Variants in AK5 observed in about 807,000 individuals in gnomAD.
AK5 encodes the protein adenylate kinase isoenzyme 5.
A neutral mutation model predicts 69.5 loss-of-function variants in AK5; 27 were observed. The ratio of observed to expected loss-of-function variants is 0.39; its 90% CI spans 0.29 to 0.54. The LOEUF (loss-of-function observed/expected upper bound fraction) is 0.54. Among genes scored for constraint, AK5 ranks in the 20% least tolerant of loss-of-function variants. AK5 has a pLI of 0.71. For missense variants in AK5, 531 were observed against 700.4 expected (o/e 0.76, Z 2.73); for synonymous variants, 260 against 244.4 (o/e 1.06, Z -0.60).
At position 77,308,454 on chromosome 1, in the gene AK5, A is replaced by C. The variant is rs901126405; in HGVS notation, c.699+10507A>C. 3.7e-5 allele frequency among the ~76,000 whole-genome samples: 5 copies of C among 135,412 alleles called. 1 individual carries two copies. The highest frequency in any genetic ancestry group is 8.3e-5 in the African/African-American group (3 of 36,322). 88.8% of individuals were successfully genotyped at this position (135,412 alleles called of 152,430 possible). On this transcript the variant is annotated intron_variant, in intron 5 of 13. Coordinates refer to ENST00000354567, the MANE Select transcript of AK5 (RefSeq NM_174858.3). Reference sequence around the variant, plus strand: ...TCTGTCTCAAAAAAAAAAAAAAAAAAAAAATCTTTTTCTCATCTTTTGGCC... The same window carrying C: ...TCTGTCTCAAAAAAAAAAAAAAAAACAAAATCTTTTTCTCATCTTTTGGCC...
rs149457027 is a variant in AK5 at position 77,294,630 on chromosome 1, C to T, written c.415+670C>T. On this transcript the variant is annotated intron_variant, in intron 3 of 13. Coordinates refer to ENST00000354567, the MANE Select transcript of AK5 (RefSeq NM_174858.3). Reference sequence around the variant, plus strand: ...TCTAATAGAATAGTGTTTTACATAGCACATAACATCTGAGTATTAACCAAA... The same window carrying T: ...TCTAATAGAATAGTGTTTTACATAGTACATAACATCTGAGTATTAACCAAA... Among the ~76,000 whole-genome samples the T allele has an allele frequency of 4.7e-3, 708 of 152,128 alleles. 7 individuals carry two copies. The highest frequency in any genetic ancestry group is 0.016 in the African/African-American group (671 of 41,504).
chr1:77,368,319 TAA>T (rs1366922554), intron 6 of AK5, among the ~76,000 whole-genome samples: 2 of 120,186 alleles, frequency 1.7e-5, no homozygotes, highest in East Asian at 4.6e-4. Context: ...ATGTTATATA[TAA>T]TATATATGTT....
intron 7 of AK5, among the ~76,000 whole-genome samples, chr1:77,415,976 C>T (rs760968975): frequency 6.6e-6 from 1 of 152,108 alleles, no homozygotes; most frequent in Non-Finnish European, 1.5e-5. Flanking sequence ...GCAAAAACCA[C>T]AATTTCTTTT....
intron 10 of AK5, among the ~76,000 whole-genome samples, chr1:77,511,088 A>T (rs1236051033): frequency 6.6e-6 from 1 of 151,794 alleles, no homozygotes; most frequent in African/African-American, 2.4e-5. Context: ...AGCTGGTAAA[A>T]TAGTACCACA....
chr1:77,482,723 A>G (rs181373218), intron 8 of AK5, among the ~76,000 whole-genome samples: 1 of 151,466 alleles, frequency 6.6e-6, no homozygotes, highest in East Asian at 1.9e-4. Context: ...GTGAGCCGAG[A>G]CTGCACCACT....
intron 5 of AK5, among the ~76,000 whole-genome samples, chr1:77,335,984 G>A (rs1322431764): frequency 2.0e-5 from 3 of 152,060 alleles, no homozygotes; most frequent in Non-Finnish European, 4.4e-5. Flanking sequence ...TCTATCTTAT[G>A]AGGGCACCAA....
chr1:77,368,249 A>ATATGTTATATATT (rs1647046126), intron 6 of AK5, among the ~76,000 whole-genome samples: 1 of 88,062 alleles, frequency 1.1e-5, no homozygotes, highest in Non-Finnish European at 2.4e-5. Flanking sequence ...ATATATATAT[A>ATATGTTATATATT]TATAATATAT....
chr1:77,431,601 G>A (rs769543003), intron 8 of AK5, among the ~76,000 whole-genome samples: 1 of 152,150 alleles, frequency 6.6e-6, no homozygotes, highest in Non-Finnish European at 1.5e-5. Flanking sequence ...AAGCATATTT[G>A]ACTTCTTTAA....
Position 77,536,015 on chromosome 1 carries a change from G to A in AK5, c.1597G>A (p.Glu533Lys), listed in dbSNP as rs201375489. ...GTCCATCCCCGTGATCGCCTACTAC[G>A]AGACAAAAACACAGCTACACAAGGC... is the stretch of plus-strand genomic sequence containing the variant. ...RASIPVIAYY[E>K]TKTQLHKINA... The change falls in exon 13 of 14, where the codon GAG becomes AAG. Residue 533 changes from glutamate (E) to lysine (K), a missense_variant. Coordinates refer to ENST00000354567, the MANE Select transcript of AK5 (RefSeq NM_174858.3). 10 of 1,612,578 alleles carry A rather than the reference G, an allele frequency of 6.2e-6. No individual in the cohort carries two copies. In the East Asian group the frequency reaches 2.0e-4, roughly 32 times the overall value.
At chr1:77,362,019 A>T (rs1222024047) in intron 6 of AK5, among the ~76,000 whole-genome samples, 1 of 152,140 alleles carries the variant, frequency 6.6e-6, no homozygotes, top group Non-Finnish European at 1.5e-5. Context: ...ATAAAAAATG[A>T]TTCCTAATTG....
At chr1:77,521,994 T>G (rs1406261523) in intron 12 of AK5, 51 bp downstream of exon 12, 1 of 1,332,782 alleles carries the variant, frequency 7.5e-7, no homozygotes, top group Non-Finnish European at 1.0e-6. Flanking sequence ...GGGACATCCT[T>G]GAGGTTGGGT....
chr1:77,528,531 A>G (rs1175421074), intron 12 of AK5, among the ~76,000 whole-genome samples: 2 of 152,202 alleles, frequency 1.3e-5, no homozygotes, highest in African/African-American at 4.8e-5. Flanking sequence ...CTAAAAATCA[A>G]ATGCAAACTA....
chr1:77,420,985 A>G (rs1650775406), intron 8 of AK5, among the ~76,000 whole-genome samples: 1 of 152,208 alleles, frequency 6.6e-6, no homozygotes, highest in Non-Finnish European at 1.5e-5. Flanking sequence ...GTAAAACATC[A>G]TATGTGGATA....
At chr1:77,340,776 G>T in intron 6 of AK5, 2 of 425,898 alleles carry the variant, frequency 4.7e-6, no homozygotes, top group East Asian at 3.7e-5. Flanking sequence ...TAATTTAATT[G>T]ATTTTTATGA....
intron 8 of AK5, among the ~76,000 whole-genome samples, chr1:77,433,065 A>G (rs1651743413): frequency 6.6e-6 from 1 of 152,110 alleles, no homozygotes; most frequent in East Asian, 1.9e-4. Context: ...GTCTCTTGAA[A>G]TTTATATCAA....
chr1:77,361,588 T>C (rs888585915), intron 6 of AK5, among the ~76,000 whole-genome samples: 1 of 152,208 alleles, frequency 6.6e-6, no homozygotes, highest in Non-Finnish European at 1.5e-5. Context: ...TAGTCCATTT[T>C]CATGCTGCTG....
At chr1:77,485,616 CT>C (rs1384068419) in intron 9 of AK5, among the ~76,000 whole-genome samples, 1 of 152,134 alleles carries the variant, frequency 6.6e-6, no homozygotes, top group Admixed American at 6.5e-5. Context: ...AGATACTCTA[CT>C]TGTGTTTTAA....
At chr1:77,379,225 A>C (rs1263541420) in intron 6 of AK5, among the ~76,000 whole-genome samples, 1 of 152,184 alleles carries the variant, frequency 6.6e-6, no homozygotes, top group East Asian at 1.9e-4. Context: ...TGTCTTCCCC[A>C]TAGATAAATA....
intron 2 of AK5, among the ~76,000 whole-genome samples, chr1:77,287,451 A>G (rs980330848): frequency 2.0e-5 from 3 of 152,248 alleles, no homozygotes; most frequent in African/African-American, 7.2e-5. Context: ...AAATAAATGA[A>G]TAGAATACGG....
Sources: gnomAD v4.1 joint callset for allele counts (sites outside exome capture counted in the v4.1 genomes callset) on GRCh38, gnomAD v4.1.1 for gene constraint, MANE v1.5 for transcripts, NCBI Gene and HGNC (gene_info 2026-07-23, HGNC 2026-07-21) for gene names.